Variants in SHISA6 observed in about 807,000 individuals in gnomAD.
SHISA6 encodes shisa family member 6.
In SHISA6, 22 loss-of-function variants were observed where a neutral mutation model predicts 47.9. The ratio of observed to expected loss-of-function variants is 0.46; its 90% CI spans 0.33 to 0.66. The LOEUF (loss-of-function observed/expected upper bound fraction) is 0.66, where lower values mean the gene tolerates loss of function less well. SHISA6 is among the 30% of genes least tolerant of loss of function. The pLI is 0.02. For missense variants in SHISA6, 680 were observed against 764.6 expected (o/e 0.89, Z 1.30); for synonymous variants, 388 against 337.8 (o/e 1.15, Z -1.63).
intron 3 of SHISA6, among the ~76,000 whole-genome samples, chr17:11,474,341 G>A (rs181168242): frequency 1.3e-5 from 2 of 148,180 alleles, no homozygotes; most frequent in Non-Finnish European, 3.0e-5. Flanking sequence ...TTTCATGTTT[G>A]TTGGCCACAT....
At chr17:11,418,673 T>C (rs1258726268) in intron 3 of SHISA6, among the ~76,000 whole-genome samples, 2 of 152,214 alleles carry the variant, frequency 1.3e-5, no homozygotes, top group Non-Finnish European at 2.9e-5. Context: ...CTTCCCTGCA[T>C]TGGCGTAAGC....
intron 2 of SHISA6, among the ~76,000 whole-genome samples, chr17:11,371,629 A>C (rs1193507498): frequency 1.3e-5 from 2 of 152,112 alleles, no homozygotes; most frequent in Admixed American, 1.3e-4. Flanking sequence ...TCATTTACAC[A>C]TGGAAAAGTG....
At chr17:11,311,418 A>G (rs1910338436) in intron 2 of SHISA6, among the ~76,000 whole-genome samples, 1 of 152,144 alleles carries the variant, frequency 6.6e-6, no homozygotes, top group Admixed American at 6.5e-5. Flanking sequence ...ATGATGTGGC[A>G]GGTCTTGGAG....
chr17:11,547,908 A>T (rs192959948), intron 3 of SHISA6, among the ~76,000 whole-genome samples: 205 of 152,334 alleles, frequency 1.3e-3, no homozygotes, highest in African/African-American at 4.7e-3. Context: ...AAAATGTCCA[A>T]TGGATTTTTT....
rs947386422 is a variant in SHISA6, at chr17:11,241,431, G to T, written c.9G>T (p.Leu3=). Reference sequence around the variant, plus strand: ...TCCCGCCCGGCCCCGCCATGGCGCTGCGGCGCCTCCTGCTGCTGCTGCTGC... The same window carrying T: ...TCCCGCCCGGCCCCGCCATGGCGCTTCGGCGCCTCCTGCTGCTGCTGCTGC... MA[L]RRLLLLLLLS... Residue 3 remains leucine, a synonymous_variant, in exon 1 of 6, where the codon CTG becomes CTT. Coordinates refer to ENST00000441885, the MANE Select transcript of SHISA6 (RefSeq NM_207386.4). The surrounding 1 kb of genome is among the most constrained non-coding windows in gnomAD (Gnocchi z 5.5). 156 of 1,186,528 alleles carry T rather than the reference G, an allele frequency of 1.3e-4. No homozygotes were observed. The highest frequency in any genetic ancestry group is 1.5e-4 in the Non-Finnish European group (137 of 943,298). The allele number at this position is 1,186,528 out of a possible 1,614,324, so 73.5% of individuals were successfully genotyped here. A position where few individuals can be genotyped will look rare whatever the true frequency, so the allele number is the denominator to read the frequency against.
intron 3 of SHISA6, among the ~76,000 whole-genome samples, chr17:11,407,765 G>A (rs992540144): frequency 7.9e-5 from 12 of 151,718 alleles, no homozygotes; most frequent in African/African-American, 2.7e-4. Context: ...CCTTTTTTTG[G>A]ATCTACCAGA....
chr17:11,241,432 C>A lies in SHISA6; in HGVS notation c.10C>A (p.Arg4=). 8.4e-7 allele frequency: 1 copy of A among 1,186,698 alleles called. No homozygotes were observed. The highest frequency in any genetic ancestry group is 1.1e-6 in the Non-Finnish European group (1 of 943,350). 73.5% of individuals were successfully genotyped at this position (1,186,698 alleles called of 1,614,324 possible). Residue 4 remains arginine, a synonymous_variant, in exon 1 of 6, where the codon CGG becomes AGG. Transcript: ENST00000441885. The surrounding 1 kb of genome is among the most constrained non-coding windows in gnomAD (Gnocchi z 5.5). MAL[R]RLLLLLLLSL... is the part of the protein sequence containing the mutation. ...CCCGCCCGGCCCCGCCATGGCGCTG[C>A]GGCGCCTCCTGCTGCTGCTGCTGCT... is the stretch of plus-strand genomic sequence containing the variant.
At chr17:11,378,845 G>T (rs769677839) in intron 2 of SHISA6, among the ~76,000 whole-genome samples, 2 of 152,122 alleles carry the variant, frequency 1.3e-5, no homozygotes, top group East Asian at 3.9e-4. Context: ...CTGAAGTCAC[G>T]AGCTGTAGTC....
chr17:11,448,960 T>G (rs1192827667), intron 3 of SHISA6, among the ~76,000 whole-genome samples: 2 of 152,230 alleles, frequency 1.3e-5, no homozygotes, highest in Non-Finnish European at 2.9e-5. Context: ...ACTCCCTAAG[T>G]AAAAGTTTTA....
rs568596196 is a variant in SHISA6 at position 11,278,427 on chromosome 17, C to T, written c.799+14901C>T. 1.2e-4 allele frequency among the ~76,000 whole-genome samples: 18 copies of T among 152,348 alleles called. 1 individual carries two copies. The South Asian group carries it at 3.5e-3, about 30-fold the overall frequency. ...TGCACTCTCAGGAGCTCTGGACTCT[C>T]CTGTCCTGTGTCTCCTCGCCCATAT... On this transcript the variant is annotated intron_variant, in intron 2 of 5. Transcript: ENST00000441885.
chr17:11,481,366 GTA>G (rs768989352), intron 3 of SHISA6, among the ~76,000 whole-genome samples: 11,132 of 110,086 alleles, frequency 0.1, 435 homozygotes, highest in African/African-American at 0.11. Flanking sequence ...GTGTGTGTGT[GTA>G]TATATATATA....
chr17:11,321,882 A>G (rs4792132), intron 2 of SHISA6, among the ~76,000 whole-genome samples: 25,797 of 152,068 alleles, frequency 0.17, 2,389 homozygotes, highest in East Asian at 0.39. Flanking sequence ...TTTTTTTTTC[A>G]GCTCATCAGC....
intron 3 of SHISA6, among the ~76,000 whole-genome samples, chr17:11,513,250 A>G (rs2071556726): frequency 6.6e-6 from 1 of 151,452 alleles, no homozygotes; most frequent in South Asian, 2.1e-4. Context: ...ACATACGTAT[A>G]TATGCACATA....
chr17:11,275,798 A>G (rs1219724365), intron 2 of SHISA6, among the ~76,000 whole-genome samples: 4 of 152,136 alleles, frequency 2.6e-5, no homozygotes, highest in Admixed American at 2.6e-4. Context: ...GAGCCAGGAT[A>G]GAGACATGTT....
chr17:11,530,448 C>T (rs2071722632), intron 3 of SHISA6, among the ~76,000 whole-genome samples: 1 of 152,164 alleles, frequency 6.6e-6, no homozygotes, highest in East Asian at 1.9e-4. Context: ...AATACACACA[C>T]ACTTCTTTTT....
rs183474435 is a variant in SHISA6 at position 11,252,316 on chromosome 17, T to C, written c.638+10256T>C. Among the ~76,000 whole-genome samples, 12 of 152,332 alleles carry C rather than the reference T, an allele frequency of 7.9e-5. No homozygotes were observed. In the East Asian group the frequency reaches 2.3e-3, roughly 29 times the overall value. The stretch of plus-strand genomic sequence containing the variant: ...ATTTGGTCTCGTGTACTGTTCCCAT[T>C]AGCTTCGGCATTAAAGTCTCATTAC... On this transcript the variant is annotated intron_variant, in intron 1 of 5. Transcript: ENST00000441885.
At chr17:11,547,316 C>T (rs947935841) in intron 3 of SHISA6, among the ~76,000 whole-genome samples, 1 of 152,146 alleles carries the variant, frequency 6.6e-6, no homozygotes, top group Non-Finnish European at 1.5e-5. Context: ...GTATATTAGT[C>T]CACAAAGGAA....
rs1249054058 is a variant in SHISA6, at chr17:11,372,582, G to A, written c.800-6832G>A. 2.0e-5 allele frequency among the ~76,000 whole-genome samples: 3 copies of A among 150,242 alleles called. 1 individual carries two copies. Among genetic ancestry groups the A allele is most frequent in the Non-Finnish European group, 4.4e-5 (3 of 67,524 alleles). On this transcript the variant is annotated intron_variant, in intron 2 of 5. Coordinates refer to ENST00000441885, the MANE Select transcript of SHISA6 (RefSeq NM_207386.4). ...TGCTTTTCTTTTTTTTTCAGTTTTT[G>A]TATATTTTTAATGTGTTTTTTCTAG...
intron 2 of SHISA6, among the ~76,000 whole-genome samples, chr17:11,326,163 C>T (rs1393187745): frequency 6.6e-6 from 1 of 151,638 alleles, no homozygotes; most frequent in African/African-American, 2.4e-5. Flanking sequence ...CCCAGCTACT[C>T]GAGAGGCTGA....
Sources: allele counts gnomAD v4.1 joint callset (sites outside exome capture counted in the v4.1 genomes callset), GRCh38; gene constraint gnomAD v4.1.1; non-coding constraint Gnocchi (gnomAD v3.1); transcripts MANE v1.5; gene names NCBI Gene and HGNC (gene_info 2026-07-23, HGNC 2026-07-21).